The following LRRC4C variants were observed in gnomAD, a reference collection of about 807,000 sequenced individuals.
LRRC4C encodes leucine rich repeat containing 4C, also known as leucine-rich repeat-containing protein 4C.
LRRC4C carries 5 observed loss-of-function variants against 33.6 expected under a neutral mutation model. That is an observed-to-expected ratio of 0.15 (90% confidence interval 0.08 to 0.31). LRRC4C has a LOEUF of 0.31. LRRC4C is among the 10% of genes least tolerant of loss of function. The pLI is 1.00. For synonymous variants in LRRC4C, 329 were observed against 302.0 expected, an observed-to-expected ratio of 1.09 and a Z score of -0.93; for missense variants, 560 against 796.7, an observed-to-expected ratio of 0.70 and a Z score of 3.58.
chr11:40,172,758 C>G (rs963578313), intron 5 of LRRC4C, among the ~76,000 whole-genome samples: 37 of 152,182 alleles, frequency 2.4e-4, no homozygotes, highest in Middle Eastern at 6.8e-3. Context: ...CCATCACTCT[C>G]GATTCATAAT....
chr11:41,221,692 T>C (rs1014258450), intron 1 of LRRC4C, among the ~76,000 whole-genome samples: 2 of 152,190 alleles, frequency 1.3e-5, no homozygotes, highest in Admixed American at 1.3e-4. Context: ...CATTCTATAT[T>C]GTTAAAGTTT....
At chr11:40,139,448 C>CT (rs1461237613) in intron 6 of LRRC4C, among the ~76,000 whole-genome samples, 3 of 152,114 alleles carry the variant, frequency 2.0e-5, no homozygotes, top group Non-Finnish European at 4.4e-5. Flanking sequence ...AAGTTGATTT[C>CT]TTTTTTAAAT....
At chr11:40,382,683 C>CTTTTTTTTTTTTTTT (rs1590541837) in intron 3 of LRRC4C, among the ~76,000 whole-genome samples, 3 of 113,336 alleles carry the variant, frequency 2.6e-5, no homozygotes, top group African/African-American at 1.1e-4. Context: ...AACTTGTACT[C>CTTTTTTTTTTTTTTT]ATTTTTTTTT....
intron 2 of LRRC4C, among the ~76,000 whole-genome samples, chr11:40,860,763 C>A (rs1954047914): frequency 7.7e-6 from 1 of 130,218 alleles, no homozygotes; most frequent in Non-Finnish European, 1.6e-5. Context: ...TTCTGATGTT[C>A]CAGGGCTTAG....
chr11:40,984,432 A>G (rs902574236), intron 1 of LRRC4C, among the ~76,000 whole-genome samples: 2 of 145,968 alleles, frequency 1.4e-5, no homozygotes, highest in Non-Finnish European at 3.1e-5. Flanking sequence ...AAAGAAAGAG[A>G]AAAAGAAAGA....
At chr11:41,161,106 AC>A (rs1944451308) in intron 1 of LRRC4C, among the ~76,000 whole-genome samples, 1 of 152,176 alleles carries the variant, frequency 6.6e-6, no homozygotes, top group Non-Finnish European at 1.5e-5. Context: ...CTCAAGAAAA[AC>A]AAATGCCCAT....
intron 1 of LRRC4C, among the ~76,000 whole-genome samples, chr11:41,201,732 T>G (rs753395435): frequency 1.6e-4 from 24 of 152,196 alleles, no homozygotes; most frequent in Non-Finnish European, 2.6e-4. Context: ...AGATTTTACA[T>G]AGATTTTCTT....
chr11:41,258,921 A>G (rs768520297), intron 1 of LRRC4C, among the ~76,000 whole-genome samples: 2 of 152,038 alleles, frequency 1.3e-5, no homozygotes, highest in Non-Finnish European at 2.9e-5. Context: ...AATAATCTAA[A>G]AATAAACATA....
intron 2 of LRRC4C, among the ~76,000 whole-genome samples, chr11:40,847,781 C>CTTTTTTT (rs34141578): frequency 9.1e-6 from 1 of 109,686 alleles, no homozygotes. Flanking sequence ...TGGTCCTGGG[C>CTTTTTTT]TTTTTTTTTT....
intron 3 of LRRC4C, among the ~76,000 whole-genome samples, chr11:40,397,880 G>C (rs1218066860): frequency 6.6e-6 from 1 of 152,094 alleles, no homozygotes. Context: ...ATATAGTTCT[G>C]TTGGAAAAAC....
At chr11:41,019,525 G>T (rs1232132635) in intron 1 of LRRC4C, among the ~76,000 whole-genome samples, 4 of 151,852 alleles carry the variant, frequency 2.6e-5, no homozygotes. Context: ...TATTCCTTTG[G>T]GTATGTATCT....
At chr11:40,480,814 G>C (rs957635915) in intron 3 of LRRC4C, among the ~76,000 whole-genome samples, 1 of 151,976 alleles carries the variant, frequency 6.6e-6, no homozygotes, top group Admixed American at 6.6e-5. Flanking sequence ...AATATGCTAA[G>C]TGAAGTAAGT....
intron 3 of LRRC4C, among the ~76,000 whole-genome samples, chr11:40,496,792 C>A (rs188573289): frequency 6.6e-6 from 1 of 152,076 alleles, no homozygotes; most frequent in Non-Finnish European, 1.5e-5. Flanking sequence ...AATCACCCTC[C>A]GACCCAGCGT....
At chr11:41,039,657 C>G (rs1221838399) in intron 1 of LRRC4C, among the ~76,000 whole-genome samples, 2 of 152,154 alleles carry the variant, frequency 1.3e-5, no homozygotes, top group Non-Finnish European at 2.9e-5. Context: ...TTAGGCTTCT[C>G]TTAACATACC....
chr11:40,355,175 C>T (rs1488805194), intron 3 of LRRC4C, among the ~76,000 whole-genome samples: 1 of 152,120 alleles, frequency 6.6e-6, no homozygotes, highest in Non-Finnish European at 1.5e-5. Context: ...TTTATTGTGG[C>T]TGAACTGGTA....
intron 2 of LRRC4C, among the ~76,000 whole-genome samples, chr11:40,801,909 G>A (rs1226957354): frequency 6.6e-6 from 1 of 152,138 alleles, no homozygotes; most frequent in Non-Finnish European, 1.5e-5. Context: ...CAAGAAGGGA[G>A]AATCTAAATT....
At chr11:40,293,746 T>G (rs1247247490) in intron 4 of LRRC4C, 1 of 152,202 alleles carries the variant, frequency 6.6e-6, no homozygotes, top group East Asian at 1.9e-4. Context: ...GTTGGGTACA[T>G]TTTGGAGCCA....
At chr11:40,123,706 A>G (rs536036443) in intron 6 of LRRC4C, among the ~76,000 whole-genome samples, 2 of 152,234 alleles carry the variant, frequency 1.3e-5, no homozygotes, top group South Asian at 4.1e-4. Flanking sequence ...TCAAAATACC[A>G]AAGACATTCT....
chr11:41,399,665 T>C (rs1055596388), intron 1 of LRRC4C, among the ~76,000 whole-genome samples: 28 of 151,962 alleles, frequency 1.8e-4, no homozygotes, highest in Non-Finnish European at 4.1e-4. Context: ...GAAGAGAACA[T>C]AAAACTTTAA....
Sources: allele counts gnomAD v4.1 joint callset (sites outside exome capture counted in the v4.1 genomes callset), GRCh38; gene constraint gnomAD v4.1.1; transcripts MANE v1.5; gene names NCBI Gene and HGNC (gene_info 2026-07-23, HGNC 2026-07-21).